The following MEGF11 variants were observed in gnomAD, a reference collection of about 807,000 sequenced individuals.
MEGF11 encodes the protein multiple epidermal growth factor-like domains protein 11.
A neutral mutation model predicts 146.6 loss-of-function variants in MEGF11; 126 were observed. The observed-to-expected ratio is 0.86, with a 90% confidence interval of 0.74 to 1.00. The LOEUF (loss-of-function observed/expected upper bound fraction) is 1.00. MEGF11 is among the 50% of genes least tolerant of loss of function. MEGF11 has a pLI of 0.00. For synonymous variants in MEGF11, 532 were observed against 583.4 expected, an observed-to-expected ratio of 0.91 and a Z score of 1.27; for missense variants, 1,509 against 1,521.2, an observed-to-expected ratio of 0.99 and a Z score of 0.13.
intron 20 of MEGF11, 170 bp from the exon 21 acceptor site, chr15:65,912,370 G>C (rs1469375793): frequency 2.5e-6 from 1 of 398,108 alleles, no homozygotes; most frequent in African/African-American, 2.1e-5. Flanking sequence ...GAAATCTGGA[G>C]AGCCTGATTT....
chr15:65,927,788 G>A (rs1419080372), intron 13 of MEGF11, among the ~76,000 whole-genome samples: 2 of 152,226 alleles, frequency 1.3e-5, no homozygotes, highest in Non-Finnish European at 2.9e-5. Context: ...AGTGAACAGA[G>A]TGAGGTGGAG....
At chr15:65,921,416 G>C (rs910847575) in intron 15 of MEGF11, among the ~76,000 whole-genome samples, 2 of 152,198 alleles carry the variant, frequency 1.3e-5, no homozygotes, top group African/African-American at 4.8e-5. Flanking sequence ...TCCATCAGCT[G>C]TTCCCTGTAG....
At chr15:66,140,233 C>T (rs150053573) in intron 1 of MEGF11, among the ~76,000 whole-genome samples, 11 of 152,294 alleles carry the variant, frequency 7.2e-5, no homozygotes, top group African/African-American at 2.6e-4. Flanking sequence ...AAATTTGATC[C>T]TATTCATCAT....
intron 7 of MEGF11, among the ~76,000 whole-genome samples, chr15:65,971,568 C>T (rs1444191516): frequency 1.3e-5 from 2 of 152,146 alleles, no homozygotes; most frequent in Non-Finnish European, 2.9e-5. Context: ...TTCCCTGCTG[C>T]GCTCCTAAAG....
intron 1 of MEGF11, among the ~76,000 whole-genome samples, chr15:66,239,104 T>C (rs1010724513): frequency 6.6e-6 from 1 of 152,176 alleles, no homozygotes; most frequent in Non-Finnish European, 1.5e-5. Flanking sequence ...ACCCAGGCAC[T>C]CTGGTCTCTG....
At chr15:65,941,411 G>C (rs920467358) in intron 10 of MEGF11, among the ~76,000 whole-genome samples, 6 of 151,842 alleles carry the variant, frequency 4.0e-5, no homozygotes, top group African/African-American at 1.5e-4. Context: ...TTGCTCCACT[G>C]CACTCCAGCT....
chr15:66,136,940 G>A (rs1444154763), intron 1 of MEGF11, among the ~76,000 whole-genome samples: 1 of 152,164 alleles, frequency 6.6e-6, no homozygotes, highest in Non-Finnish European at 1.5e-5. Context: ...GGTTGAGGTG[G>A]GAGGATCACT....
chr15:65,895,758 G>A lies in MEGF11; in HGVS notation c.*2176C>T, dbSNP rs557486554. On this transcript the variant is annotated 3_prime_UTR_variant, in exon 26 of 26. Transcript: ENST00000395614. ...AGTCATGGACTGCTAGAGCTGAAGGGTTAGTAGAGCTGTCTTCCCACTCTC... is the reference window on the plus strand; with the variant it reads ...AGTCATGGACTGCTAGAGCTGAAGGATTAGTAGAGCTGTCTTCCCACTCTC... 6.6e-6 allele frequency: 1 copy of A among 152,668 alleles called. No individual in the cohort carries two copies. The highest frequency in any genetic ancestry group is 1.9e-4 in the East Asian group (1 of 5,192). 9.5% of individuals were successfully genotyped at this position (152,668 alleles called of 1,614,324 possible).
At position 65,909,840 on chromosome 15, in the gene MEGF11, AGT is replaced by A. The variant is rs756734915; in HGVS notation, c.2830-36_2830-35del. ...AGAGTAGGAGAGCCAGTTAATATCT[AGT>A]GCCCCAGGTACCCCTCCCCAGTCTT... is the stretch of plus-strand genomic sequence containing the variant. On this transcript the variant is annotated intron_variant, in intron 21 of 25. Coordinates refer to ENST00000395614, the MANE Select transcript of MEGF11 (RefSeq NM_001385028.1). 51 of 1,531,674 alleles carry A rather than the reference AGT, an allele frequency of 3.3e-5. No homozygotes were observed. The African/African-American group carries it at 5.4e-4, about 16-fold the overall frequency. 94.9% of individuals were successfully genotyped at this position (1,531,674 alleles called of 1,614,324 possible). A position where few individuals can be genotyped will look rare whatever the true frequency, so the allele number is the denominator to read the frequency against.
intron 5 of MEGF11, among the ~76,000 whole-genome samples, chr15:66,061,079 C>T (rs1473299489): frequency 6.6e-6 from 1 of 152,320 alleles, no homozygotes; most frequent in East Asian, 1.9e-4. Context: ...GAGCTGGTTA[C>T]AGAGACCTGG....
At chr15:66,149,649 CTGAG>C (rs1423849032) in intron 1 of MEGF11, among the ~76,000 whole-genome samples, 20 of 152,166 alleles carry the variant, frequency 1.3e-4, no homozygotes, top group Admixed American at 5.2e-4. Context: ...ACAAAATGTA[CTGAG>C]TGAGAAGCTG....
chr15:66,098,242 G>A (rs1397343191), intron 4 of MEGF11, among the ~76,000 whole-genome samples: 1 of 152,198 alleles, frequency 6.6e-6, no homozygotes, highest in African/African-American at 2.4e-5. Flanking sequence ...GTGTGCGTCA[G>A]ACTTGGGGTC....
chr15:66,113,264 C>G (rs1337015912), intron 4 of MEGF11, among the ~76,000 whole-genome samples: 1 of 152,132 alleles, frequency 6.6e-6, no homozygotes, highest in Non-Finnish European at 1.5e-5. Flanking sequence ...CTATGCTCCC[C>G]AAGCCAGCCG....
At chr15:65,958,406 C>G (rs2080734840) in intron 9 of MEGF11, among the ~76,000 whole-genome samples, 1 of 152,000 alleles carries the variant, frequency 6.6e-6, no homozygotes, top group Non-Finnish European at 1.5e-5. Context: ...CAACCTCTAG[C>G]TGGCAGCCAT....
chr15:65,941,519 C>T (rs58474295), intron 10 of MEGF11, among the ~76,000 whole-genome samples: 10,170 of 152,118 alleles, frequency 0.067, 405 homozygotes, highest in Middle Eastern at 0.11. Context: ...AAGTTGAGGC[C>T]GTGCCACTTA....
chr15:66,001,826 T>G (rs1431952237), intron 5 of MEGF11, among the ~76,000 whole-genome samples: 5 of 152,180 alleles, frequency 3.3e-5, no homozygotes, highest in African/African-American at 1.2e-4. Context: ...TTTCTTTTCT[T>G]TTCCTTTTAA....
chr15:65,937,664 C>T (rs1325577829), intron 10 of MEGF11, among the ~76,000 whole-genome samples: 2 of 152,250 alleles, frequency 1.3e-5, no homozygotes, highest in African/African-American at 4.8e-5. Flanking sequence ...CCAGTGGCCA[C>T]ATGCCATGTG....
chr15:66,175,228 T>A (rs1567272739), intron 1 of MEGF11, among the ~76,000 whole-genome samples: 1 of 152,192 alleles, frequency 6.6e-6, no homozygotes, highest in Non-Finnish European at 1.5e-5. Flanking sequence ...TTTCTAGTAC[T>A]ATGTTAAATA....
At chr15:65,965,189 G>C in intron 8 of MEGF11, 69 bp from the exon 9 acceptor site, 2 of 1,353,006 alleles carry the variant, frequency 1.5e-6, no homozygotes, top group Non-Finnish European at 2.0e-6. Context: ...AGATCCTCCA[G>C]GATGTGGTCC....
Sources: allele counts gnomAD v4.1 joint callset (sites outside exome capture counted in the v4.1 genomes callset), GRCh38; gene constraint gnomAD v4.1.1; transcripts MANE v1.5; gene names NCBI Gene and HGNC (gene_info 2026-07-23, HGNC 2026-07-21).